The following SND1 variants were observed in gnomAD, a reference collection of about 807,000 sequenced individuals.
SND1 encodes staphylococcal nuclease domain-containing protein 1.
In SND1, 38 loss-of-function variants were observed where a neutral mutation model predicts 121.7. The ratio of observed to expected loss-of-function variants is 0.31; its 90% CI spans 0.24 to 0.41. The LOEUF is 0.41. SND1 is among the 10% of genes least tolerant of loss of function. SND1 has a pLI of 1.00. For missense variants in SND1, 868 were observed against 1,184.6 expected (o/e 0.73, Z 3.92); for synonymous variants, 401 against 447.4 (o/e 0.90, Z 1.31).
At chr7:127,696,223 G>A (rs1052499878) in intron 3 of SND1, among the ~76,000 whole-genome samples, 2 of 152,162 alleles carry the variant, frequency 1.3e-5, no homozygotes, top group African/African-American at 4.8e-5. Flanking sequence ...ACAGTATTCT[G>A]CTAAGACTCT....
chr7:127,930,968 A>G (rs752751769), intron 15 of SND1, among the ~76,000 whole-genome samples: 5 of 152,122 alleles, frequency 3.3e-5, no homozygotes, highest in Non-Finnish European at 5.9e-5. Flanking sequence ...AAACTTTATT[A>G]TTATTATATC....
intron 10 of SND1, among the ~76,000 whole-genome samples, chr7:127,738,099 C>T (rs1796810624): frequency 6.6e-6 from 1 of 152,084 alleles, no homozygotes; most frequent in African/African-American, 2.4e-5. Context: ...CTCTCAGATC[C>T]TCTAGAGTGT....
chr7:128,038,411 G>A (rs904245191), intron 16 of SND1, among the ~76,000 whole-genome samples: 6 of 152,324 alleles, frequency 3.9e-5, no homozygotes, highest in South Asian at 2.1e-4. Flanking sequence ...GATTCTTCAC[G>A]TGTAAAGTGG....
At chr7:128,018,329 T>C (rs1356630348) in intron 16 of SND1, among the ~76,000 whole-genome samples, 1 of 152,226 alleles carries the variant, frequency 6.6e-6, no homozygotes, top group African/African-American at 2.4e-5. Context: ...GGTCCAACCT[T>C]GGGCATTGCC....
intron 10 of SND1, among the ~76,000 whole-genome samples, chr7:127,742,989 G>A (rs1796911461): frequency 6.6e-6 from 1 of 152,168 alleles, no homozygotes; most frequent in South Asian, 2.1e-4. Context: ...TGCAGAGACT[G>A]TTTATCACTG....
At chr7:127,925,416 A>G (rs1001383591) in intron 14 of SND1, among the ~76,000 whole-genome samples, 7 of 152,218 alleles carry the variant, frequency 4.6e-5, no homozygotes, top group Non-Finnish European at 8.8e-5. Flanking sequence ...ACTGGCAAAT[A>G]GAATCCCAGA....
chr7:127,695,045 G>A, intron 3 of SND1, 97 bp downstream of exon 3: 1 of 1,461,726 alleles, frequency 6.8e-7, no homozygotes, highest in Admixed American at 2.0e-5. Context: ...TCTGGTGGAG[G>A]AAGCTCTAGG....
At chr7:127,990,210 T>C (rs1802489786) in intron 15 of SND1, among the ~76,000 whole-genome samples, 1 of 152,190 alleles carries the variant, frequency 6.6e-6, no homozygotes, top group Admixed American at 6.5e-5. Flanking sequence ...AGCGGATATA[T>C]TATAATATCT....
intron 13 of SND1, among the ~76,000 whole-genome samples, chr7:127,890,408 G>T (rs1348238776): frequency 6.6e-6 from 1 of 152,132 alleles, no homozygotes; most frequent in African/African-American, 2.4e-5. Context: ...TCCAGCTCCA[G>T]TAGGAAATGG....
chr7:127,777,422 AAG>A (rs1797641413), intron 10 of SND1, among the ~76,000 whole-genome samples: 2 of 152,250 alleles, frequency 1.3e-5, no homozygotes, highest in South Asian at 4.1e-4. Flanking sequence ...TGGTAGAGGA[AAG>A]AGATTCTTTC....
At chr7:127,693,201 G>T (rs1795951486) in intron 2 of SND1, among the ~76,000 whole-genome samples, 1 of 152,128 alleles carries the variant, frequency 6.6e-6, no homozygotes. Flanking sequence ...CTGTGATGTG[G>T]TTGATAATTG....
rs563294101 is a variant in SND1, at chr7:127,824,712, TC to T, written c.1242+17140del. ...GACTCCTCATGCATTCTTTTTTTTT[TC>T]AGCTTGCTTTAAAAAATACTTGATG... On this transcript the variant is annotated intron_variant, in intron 11 of 23. Transcript: ENST00000354725. 5.2e-3 allele frequency among the ~76,000 whole-genome samples: 796 copies of T among 152,330 alleles called. 8 individuals are homozygous for T. The highest frequency in any genetic ancestry group is 0.018 in the African/African-American group (750 of 41,582).
chr7:127,756,656 C>T (rs1797201822), intron 10 of SND1, among the ~76,000 whole-genome samples: 1 of 152,180 alleles, frequency 6.6e-6, no homozygotes, highest in African/African-American at 2.4e-5. Context: ...CCCTCCAAGG[C>T]TTATCTTCTG....
intron 12 of SND1, 34 bp downstream of exon 12, chr7:127,844,458 A>T: frequency 6.6e-7 from 1 of 1,525,734 alleles, no homozygotes; most frequent in South Asian, 1.2e-5. Flanking sequence ...CTCAGCTGTC[A>T]TCTCAAGTAG....
chr7:127,661,142 C>T (rs1039460105), intron 1 of SND1, among the ~76,000 whole-genome samples: 10 of 152,226 alleles, frequency 6.6e-5, no homozygotes, highest in African/African-American at 1.7e-4. Flanking sequence ...TTTCTCTTCG[C>T]GTTTGTCTTG....
intron 16 of SND1, chr7:127,999,404 AAG>A (rs1554454112): frequency 6.6e-6 from 1 of 151,480 alleles, no homozygotes; most frequent in Non-Finnish European, 1.5e-5. Context: ...AAAAAAAAAA[AAG>A]GAAGAAATAC....
intron 10 of SND1, among the ~76,000 whole-genome samples, chr7:127,784,000 A>C (rs1270469025): frequency 1.3e-5 from 2 of 152,242 alleles, no homozygotes; most frequent in Non-Finnish European, 2.9e-5. Context: ...TGGATATTCC[A>C]AGGTATAAAG....
intron 9 of SND1, among the ~76,000 whole-genome samples, chr7:127,716,537 A>T: frequency 6.7e-6 from 1 of 148,238 alleles, no homozygotes. Context: ...AATGCAGCTG[A>T]TTCTGTGTGT....
intron 16 of SND1, among the ~76,000 whole-genome samples, chr7:128,057,440 C>T (rs954433245): frequency 2.6e-5 from 4 of 152,160 alleles, no homozygotes; most frequent in African/African-American, 9.7e-5. Context: ...ATAGGAAGCC[C>T]AGAGGTGGGC....
Sources: allele counts gnomAD v4.1 joint callset (sites outside exome capture counted in the v4.1 genomes callset), GRCh38; gene constraint gnomAD v4.1.1; transcripts MANE v1.5; gene names NCBI Gene and HGNC (gene_info 2026-07-23, HGNC 2026-07-21).